The following ZNF347 variants were observed in gnomAD, a reference collection of about 807,000 sequenced individuals.
ZNF347 encodes the protein CTD-2620I22.7.
A neutral mutation model predicts 12.9 loss-of-function variants in ZNF347; 19 were observed. The ratio of observed to expected loss-of-function variants is 1.47; its 90% CI spans 1.03 to 2.16. ZNF347 has a LOEUF of 2.16. Ranked by LOEUF, ZNF347 falls within the 30% of genes most tolerant of loss-of-function variation. The pLI is 0.00. For synonymous variants in ZNF347, 328 were observed against 340.6 expected, an observed-to-expected ratio of 0.96 and a Z score of 0.41; for missense variants, 1,005 against 990.6, an observed-to-expected ratio of 1.01 and a Z score of -0.19.
In ZNF347 at chr19:53,149,980, A is replaced by C. The variant is rs149496706; in HGVS notation, c.16-613T>G. Among the ~76,000 whole-genome samples the C allele has an allele frequency of 4.8e-3, 724 of 152,280 alleles. 7 individuals carry two copies. The highest frequency in any genetic ancestry group is 0.016 in the African/African-American group (677 of 41,544). On this transcript the variant is annotated intron_variant, in intron 2 of 4. Coordinates refer to ENST00000334197, the MANE Select transcript of ZNF347 (RefSeq NM_032584.3). The stretch of plus-strand genomic sequence containing the variant: ...TGGCTGTTCATCTGTATACTCTGTA[A>C]TATCCTATATAATAAATGGGTCAAT...
rs139178221 is a variant in ZNF347, at chr19:53,140,325, G to A, written c.2503C>T (p.Pro835Ser). The change falls in exon 5 of 5, where the codon CCA (proline) becomes TCA (serine). Residue 835 changes from proline to serine, a missense_variant. Pro to Ser is a moderately conservative substitution (Grantham distance 74). Coordinates refer to ENST00000334197, the MANE Select transcript of ZNF347 (RefSeq NM_032584.3). ...VLKSEFKPCK[P>S]SQNS ...TCTCTCCACTATGAATTCTGTGATGGCTTGCAAGGTTTGAACTCTGACTTT... is the reference window on the plus strand; with the variant it reads ...TCTCTCCACTATGAATTCTGTGATGACTTGCAAGGTTTGAACTCTGACTTT... 5.8e-6 allele frequency: 9 copies of A among 1,551,874 alleles called. No individual in the cohort carries two copies. The African/African-American group carries it at 6.9e-5, about 12-fold the overall frequency.
chr19:53,144,276 G>A (rs1382329780), intron 4 of ZNF347, among the ~76,000 whole-genome samples: 2 of 151,982 alleles, frequency 1.3e-5, no homozygotes, highest in African/African-American at 4.8e-5. Context: ...AAAAAGTGAG[G>A]GGATGGAAAA....
rs776723633 is a variant in ZNF347 at position 53,140,765 on chromosome 19, T to A, written c.2063A>T (p.Lys688Ile). 1 of 1,612,710 alleles carries A rather than the reference T, an allele frequency of 6.2e-7. No individual in the cohort carries two copies. Residue 688 changes from lysine (K) to isoleucine (I), a missense_variant, in exon 5 of 5, where the codon AAA (lysine) becomes ATA (isoleucine). Lys to Ile is a moderately radical substitution (Grantham distance 102). Transcript: ENST00000334197. ...AAGCTTTGATGTTTGACTAAAGGCT[T>A]TGCCACATTCATTACACTGGTAAGG... ...GKPYQCNECG[K>I]AFSQTSKLAR...
Position 53,141,788 on chromosome 19 carries a change from C to T in ZNF347, c.1040G>A (p.Cys347Tyr), listed in dbSNP as rs35890715. 145 of 1,613,538 alleles carry T rather than the reference C, an allele frequency of 9.0e-5. No homozygotes were observed. The highest frequency in any genetic ancestry group is 1.1e-4 in the Non-Finnish European group (124 of 1,179,860). ...AGTGAAGACCTTGCCACATTCGTTA[C>T]ATTTATAAGGTTTCTCTCCAGTGTG... Reference protein sequence around the residue: ...KIHTGEKPYKCNECGKVFTQN... With the variant: ...KIHTGEKPYKYNECGKVFTQN... The change falls in exon 5 of 5, where the codon TGT (cysteine) becomes TAT (tyrosine). Residue 347 changes from cysteine to tyrosine, a missense_variant. By Grantham distance (194) the Cys-to-Tyr change is radical (BLOSUM62 -2). Coordinates refer to ENST00000334197, the MANE Select transcript of ZNF347 (RefSeq NM_032584.3).
At chr19:53,158,064 T>C (rs1829663533) in intron 1 of ZNF347, among the ~76,000 whole-genome samples, 1 of 152,196 alleles carries the variant, frequency 6.6e-6, no homozygotes. Flanking sequence ...CTAATCCCCT[T>C]GGTCCACACA....
chr19:53,141,197 T>C lies in ZNF347; in HGVS notation c.1631A>G (p.Asn544Ser), dbSNP rs747462253. The C allele has an allele frequency of 6.2e-7, 1 of 1,608,604 alleles. No homozygotes were observed. The highest frequency in any genetic ancestry group is 1.7e-5 in the Admixed American group (1 of 59,756). ...IHTGVKPYMC[N>S]ECGKAFSVYS... ...CACACTGAAGGCTTTGCCGCACTCA[T>C]TACACATATAAGGCTTCACTCCAGT... is the stretch of plus-strand genomic sequence containing the variant. The change falls in exon 5 of 5, where the codon AAT becomes AGT. Residue 544 changes from asparagine (N) to serine (S), a missense_variant. By Grantham distance (46) the Asn-to-Ser change is conservative (BLOSUM62 1). Transcript: ENST00000334197.
chr19:53,140,372 T>A lies in ZNF347; in HGVS notation c.2456A>T (p.Lys819Ile), dbSNP rs1044280758. ...CTTTAGAACTTTCCACACGTTACAT[T>A]TGTAAGGTTTCCCACCAGTATGGAT... ...QTIHTGGKPY[K>I]CNVWKVLKSE... The change falls in exon 5 of 5, where the codon AAA becomes ATA. Residue 819 changes from lysine (K) to isoleucine (I), a missense_variant. Lys to Ile is a moderately radical substitution (Grantham distance 102, BLOSUM62 -3). Transcript: ENST00000334197. 6.2e-7 allele frequency: 1 copy of A among 1,602,846 alleles called. No homozygotes were observed. Among genetic ancestry groups the A allele is most frequent in the Non-Finnish European group, 8.5e-7 (1 of 1,175,616 alleles).
chr19:53,148,614 G>C, intron 4 of ZNF347, 67 bp downstream of exon 4: 1 of 1,520,426 alleles, frequency 6.6e-7, no homozygotes, highest in Non-Finnish European at 8.9e-7. Flanking sequence ...AGAACTCTCA[G>C]ATTTGCATAG....
intron 2 of ZNF347, among the ~76,000 whole-genome samples, chr19:53,152,801 G>A (rs1159562312): frequency 1.3e-5 from 2 of 151,850 alleles, no homozygotes; most frequent in African/African-American, 4.8e-5. Flanking sequence ...ATGGTGGCGG[G>A]CGCCTGTAGT....
Position 53,148,733 on chromosome 19 carries a change from T to C in ZNF347, c.219A>G (p.Val73=). 6.2e-7 allele frequency: 1 copy of C among 1,614,150 alleles called. No homozygotes were observed. ...GKEPFTLESQ[V]QIAGNPDGWE... The stretch of plus-strand genomic sequence containing the variant: ...ATCCATCTGGGTTTCCTGCTATTTG[T>C]ACTTGGCTCTCCAAAGTGAAAGGCT... Residue 73 remains valine (V), a synonymous_variant, in exon 4 of 5, where the codon GTA becomes GTG. Coordinates refer to ENST00000334197, the MANE Select transcript of ZNF347 (RefSeq NM_032584.3).
Position 53,151,567 on chromosome 19 carries a change from T to C in ZNF347, c.15+2166A>G, listed in dbSNP as rs76852645. Among the ~76,000 whole-genome samples the C allele has an allele frequency of 7.3e-3, 1,039 of 142,718 alleles. 12 individuals carry two copies. Among genetic ancestry groups the C allele is most frequent in the African/African-American group, 0.025 (950 of 38,708 alleles). 93.6% of individuals were successfully genotyped at this position (142,718 alleles called of 152,430 possible). A position where few individuals can be genotyped will look rare whatever the true frequency, so the allele number is the denominator to read the frequency against. ...AAAAAAAAAAAAAAAATCAAATAGT[T>C]AAGTAAAAGAACATGAAAAGGATCT... is the stretch of plus-strand genomic sequence containing the variant. On this transcript the variant is annotated intron_variant, in intron 2 of 4. Transcript: ENST00000334197.
At chr19:53,154,197 T>C (rs189954755) in intron 1 of ZNF347, among the ~76,000 whole-genome samples, 19 of 151,896 alleles carry the variant, frequency 1.3e-4, no homozygotes, top group Admixed American at 2.6e-4. Flanking sequence ...AAACAAAAGG[T>C]AGAGGCTGAA....
rs2090408106 is a variant in ZNF347 at position 53,139,802 on chromosome 19, T to A, written c.*506A>T. 1.9e-5 allele frequency: 3 copies of A among 154,066 alleles called. No homozygotes were observed. The South Asian group carries it at 6.1e-4, about 31-fold the overall frequency. 9.5% of individuals were successfully genotyped at this position (154,066 alleles called of 1,614,324 possible). ...AAAGCTGTGAGGCCTGAATAAAGCC[T>A]CTGTCACACACAGTACATTTATGTG... On this transcript the variant is annotated 3_prime_UTR_variant, in exon 5 of 5. Coordinates refer to ENST00000334197, the MANE Select transcript of ZNF347 (RefSeq NM_032584.3).
At chr19:53,144,507 G>A (rs892930880) in intron 4 of ZNF347, among the ~76,000 whole-genome samples, 3 of 151,792 alleles carry the variant, frequency 2.0e-5, no homozygotes, top group Non-Finnish European at 2.9e-5. Flanking sequence ...TAATATTAGG[G>A]GACTTCAAAA....
intron 2 of ZNF347, 63 bp from the exon 3 acceptor site, chr19:53,149,430 G>C (rs1334836508): frequency 1.9e-6 from 3 of 1,607,154 alleles, no homozygotes; most frequent in Non-Finnish European, 2.6e-6. Flanking sequence ...CACATAAAAT[G>C]AGAAGACAGA....
chr19:53,144,508 G>T (rs946854512), intron 4 of ZNF347, among the ~76,000 whole-genome samples: 1 of 151,918 alleles, frequency 6.6e-6, no homozygotes, highest in Non-Finnish European at 1.5e-5. Flanking sequence ...AATATTAGGG[G>T]ACTTCAAAAC....
rs969401523 is a variant in ZNF347, at chr19:53,150,329, G to A, written c.16-962C>T. ...CACAGATGTGTTTTCCGTTGTGAGA[G>A]TACAGTAGGAGAAACTGGGTCTGTT... On this transcript the variant is annotated intron_variant, in intron 2 of 4. Coordinates refer to ENST00000334197, the MANE Select transcript of ZNF347 (RefSeq NM_032584.3). Among the ~76,000 whole-genome samples the A allele has an allele frequency of 8.5e-5, 13 of 152,284 alleles. 1 individual carries two copies. The highest frequency in any genetic ancestry group is 7.2e-4 in the Admixed American group (11 of 15,300).
chr19:53,141,376 A>C lies in ZNF347; in HGVS notation c.1452T>G (p.Pro484=). The C allele has an allele frequency of 2.5e-6, 4 of 1,613,888 alleles. No homozygotes were observed. The highest frequency in any genetic ancestry group is 3.4e-6 in the Non-Finnish European group (4 of 1,179,940). Residue 484 remains proline (P), a synonymous_variant, in exon 5 of 5, where the codon CCT becomes CCG. Transcript: ENST00000334197. ...RHQLIHTGEK[P]YKCNECGKAF... is the part of the protein sequence containing the mutation. Reference sequence around the variant, plus strand: ...CTTTGCCACACTCATTACACTTATAAGGTTTCTCTCCAGTATGAATTAGCT... The same window carrying C: ...CTTTGCCACACTCATTACACTTATACGGTTTCTCTCCAGTATGAATTAGCT...
In ZNF347 at chr19:53,141,289, G is replaced by C. The variant is rs1037434469; in HGVS notation, c.1539C>G (p.Tyr513Ter). 19 of 1,613,448 alleles carry C rather than the reference G, an allele frequency of 1.2e-5. No homozygotes were observed. Among genetic ancestry groups the C allele is most frequent in the Non-Finnish European group, 1.5e-5 (18 of 1,179,916 alleles). Reference sequence around the variant, plus strand: ...AGACCTTGCCACATTCATTACATTTGTAAGGCTTTTCTCCAGTATGGATGA... The same window carrying C: ...AGACCTTGCCACATTCATTACATTTCTAAGGCTTTTCTCCAGTATGGATGA... ...HQVIHTGEKPYKCNECGKVFT... is the reference protein window; with the variant it reads ...HQVIHTGEKP The change falls in exon 5 of 5, where the codon TAC becomes TAG. Residue 513 changes from tyrosine (Y) to a stop codon, truncating the protein, a stop_gained. Coordinates refer to ENST00000334197, the MANE Select transcript of ZNF347 (RefSeq NM_032584.3). LOFTEE classifies it low-confidence loss of function (END_TRUNC).
Sources: gnomAD v4.1 joint callset for allele counts (sites outside exome capture counted in the v4.1 genomes callset) on GRCh38, gnomAD v4.1.1 for gene constraint, MANE v1.5 for transcripts, NCBI Gene and HGNC (gene_info 2026-07-23, HGNC 2026-07-21) for gene names.